LIMS1: variants seen among roughly 807,000 people sequenced by gnomAD.
The protein encoded by LIMS1 is LIM and senescent cell antigen-like-containing domain protein 1.
LIMS1 carries 18 observed loss-of-function variants against 44.1 expected under a neutral mutation model. That is an observed-to-expected ratio of 0.41 (90% CI 0.28 to 0.61). LIMS1 has a LOEUF of 0.61. LIMS1 is among the 20% of genes least tolerant of loss of function. LIMS1 has a pLI of 0.32. For missense variants in LIMS1, 201 were observed against 422.0 expected, an observed-to-expected ratio of 0.48 and a Z score of 4.59; for synonymous variants, 93 against 149.1, an observed-to-expected ratio of 0.62 and a Z score of 2.74.
At chr2:108,640,065 T>C (rs570261615) in intron 1 of LIMS1, among the ~76,000 whole-genome samples, 2 of 152,174 alleles carry the variant, frequency 1.3e-5, no homozygotes, top group Admixed American at 6.5e-5. Flanking sequence ...TCCCATCCAG[T>C]CTCGTGTCTT....
At chr2:108,607,034 A>G (rs1573429851) in intron 1 of LIMS1, 1 of 592,508 alleles carries the variant, frequency 1.7e-6, no homozygotes. Context: ...TCTAACCCCA[A>G]AGTAAGAGTA....
intron 1 of LIMS1, among the ~76,000 whole-genome samples, chr2:108,612,344 T>TG (rs1242541027): frequency 6.6e-6 from 1 of 152,104 alleles, no homozygotes; most frequent in Non-Finnish European, 1.5e-5. Flanking sequence ...ACATCATCAG[T>TG]GCCTCTTCAT....
At position 108,637,097 on chromosome 2, in the gene LIMS1, ATATGTGTGTGTGTGTG is replaced by A. The variant is rs1183910632; in HGVS notation, c.33-22506_33-22491del. ...TTTTTAAATTCAGCAAAATATACAT[ATATGTGTGTGTGTGTG>A]TGTGTGTGTGTGTGTGTGTGTGTGT... is the stretch of plus-strand genomic sequence containing the variant. On this transcript the variant is annotated intron_variant, in intron 1 of 9. Coordinates refer to ENST00000544547, the Ensembl canonical transcript of LIMS1. 1.1e-4 allele frequency among the ~76,000 whole-genome samples: 15 copies of A among 132,128 alleles called. No homozygotes were observed. The East Asian group carries it at 1.7e-3, about 15-fold the overall frequency. The allele number at this position is 132,128 out of a possible 152,430, so 86.7% of individuals were successfully genotyped here.
In LIMS1 at chr2:108,605,987, G is replaced by A. The variant is rs1687249347; in HGVS notation, c.33-53618G>A. ...GTGAAGCTGGCAACCAGGCCTGGGG[G>A]CCAGGCAGCGTGGCCCTCGGGCCCA... On this transcript the variant is annotated intron_variant, in intron 1 of 9. Transcript: ENST00000544547. Among the ~76,000 whole-genome samples the A allele has an allele frequency of 3.9e-5, 6 of 152,240 alleles. No homozygotes were observed. In the South Asian group the frequency reaches 1.0e-3, roughly 26 times the overall value.
chr2:108,611,978 AAT>A (rs1171045344), intron 1 of LIMS1, among the ~76,000 whole-genome samples: 1 of 145,210 alleles, frequency 6.9e-6, no homozygotes, highest in Non-Finnish European at 1.5e-5. Context: ...ACATATATAA[AAT>A]ATATATACAT....
chr2:108,569,870 G>A (rs1685428005), intron 1 of LIMS1, among the ~76,000 whole-genome samples: 1 of 149,310 alleles, frequency 6.7e-6, no homozygotes, highest in African/African-American at 2.5e-5. Flanking sequence ...CAAAGTGCTG[G>A]GATTACAGAC....
intron 1 of LIMS1, among the ~76,000 whole-genome samples, chr2:108,644,011 A>G (rs928263687): frequency 1.3e-5 from 2 of 152,098 alleles, no homozygotes; most frequent in Admixed American, 1.3e-4. Flanking sequence ...AAAGGCAGCA[A>G]CCCCAGTCAG....
chr2:108,591,632 A>T (rs2718716), intron 1 of LIMS1, among the ~76,000 whole-genome samples: 125,725 of 151,252 alleles, frequency 0.83, 52,552 homozygotes, highest in East Asian at 0.99. Flanking sequence ...GCTAATTTTT[A>T]AAATTTTTAT....
At chr2:108,577,815 A>AT (rs1685726172) in intron 1 of LIMS1, among the ~76,000 whole-genome samples, 1 of 152,226 alleles carries the variant, frequency 6.6e-6, no homozygotes, top group Middle Eastern at 3.4e-3. Flanking sequence ...ATGAAAATCT[A>AT]TTTTTTCTGA....
chr2:108,625,709 C>T (rs1040628354), intron 1 of LIMS1, among the ~76,000 whole-genome samples: 1 of 152,136 alleles, frequency 6.6e-6, no homozygotes, highest in Non-Finnish European at 1.5e-5. Context: ...TTTCCTGCAG[C>T]GTTGACCTTG....
chr2:108,646,150 G>A (rs1690048367), intron 1 of LIMS1, among the ~76,000 whole-genome samples: 1 of 152,122 alleles, frequency 6.6e-6, no homozygotes, highest in Non-Finnish European at 1.5e-5. Context: ...GGGCCTAATA[G>A]AACTCTTCAC....
chr2:108,665,494 A>G (rs917098662), intron 2 of LIMS1, among the ~76,000 whole-genome samples: 6 of 152,126 alleles, frequency 3.9e-5, no homozygotes, highest in African/African-American at 1.4e-4. Context: ...CAGTAGTTAC[A>G]ACAGCTTTCC....
At chr2:108,659,843 C>G in intron 2 of LIMS1, 79 bp downstream of exon 2, 1 of 1,610,994 alleles carries the variant, frequency 6.2e-7, no homozygotes, top group South Asian at 1.1e-5. Flanking sequence ...GAGGCCTCCT[C>G]CTTCATGTTC....
chr2:108,555,984 C>CT (rs753772603), intron 1 of LIMS1, among the ~76,000 whole-genome samples: 58 of 150,836 alleles, frequency 3.8e-4, no homozygotes, highest in Admixed American at 1.8e-3. Flanking sequence ...TTTTTTTTTC[C>CT]TTTTTTGCTA....
At chr2:108,565,461 A>G (rs1685263550) in intron 1 of LIMS1, among the ~76,000 whole-genome samples, 1 of 152,350 alleles carries the variant, frequency 6.6e-6, no homozygotes, top group South Asian at 2.1e-4. Context: ...TTATAATTCT[A>G]TCTTGAAAGA....
At chr2:108,609,316 TGCTGCCTGGA>T (rs991198674) in intron 1 of LIMS1, among the ~76,000 whole-genome samples, 20 of 152,176 alleles carry the variant, frequency 1.3e-4, no homozygotes, top group African/African-American at 4.3e-4. Flanking sequence ...TGGCAGGTGT[TGCTGCCTGGA>T]GCTGCTTCCA....
chr2:108,676,886 T>C, intron 7 of LIMS1, 188 bp downstream of exon 7: 2 of 626,776 alleles, frequency 3.2e-6, no homozygotes, highest in Non-Finnish European at 5.2e-6. Flanking sequence ...CCTGTATGTC[T>C]TTCATTCAAG....
intron 1 of LIMS1, among the ~76,000 whole-genome samples, chr2:108,646,256 C>CA (rs560993212): frequency 2.6e-5 from 4 of 152,006 alleles, no homozygotes; most frequent in East Asian, 3.9e-4. Context: ...TCAGCAAATG[C>CA]AAAAAAATGG....
chr2:108,660,045 C>T, intron 2 of LIMS1: 3 of 441,282 alleles, frequency 6.8e-6, no homozygotes, highest in Non-Finnish European at 1.3e-5. Flanking sequence ...GCCTTTCAGA[C>T]CTAAGCAGCT....
Sources: gnomAD v4.1 joint callset for allele counts (sites outside exome capture counted in the v4.1 genomes callset) on GRCh38, gnomAD v4.1.1 for gene constraint, MANE v1.5 for transcripts, NCBI Gene and HGNC (gene_info 2026-07-23, HGNC 2026-07-21) for gene names.